TNNI3K: variants seen among roughly 807,000 people sequenced by gnomAD.
TNNI3K encodes the protein TNNI3 interacting kinase, also known as serine/threonine-protein kinase TNNI3K.
A neutral mutation model predicts 114.5 loss-of-function variants in TNNI3K; 140 were observed. The observed-to-expected ratio is 1.22, with a 90% CI of 1.07 to 1.41. TNNI3K has a LOEUF of 1.41. TNNI3K is among the 40% of genes most tolerant of loss of function. The pLI, the probability that TNNI3K is intolerant of heterozygous loss-of-function variation, is 0.00. For missense variants in TNNI3K, 1,125 were observed against 1,007.6 expected (o/e 1.12, Z -1.58); for synonymous variants, 347 against 347.5 (o/e 1.00, Z 0.02).
chr1:74,419,763 A>G (rs1665305435), intron 17 of TNNI3K, among the ~76,000 whole-genome samples: 1 of 152,158 alleles, frequency 6.6e-6, no homozygotes, highest in African/African-American at 2.4e-5. Context: ...GATAACCTAC[A>G]CAGGATATTA....
chr1:74,527,314 A>G lies in TNNI3K; in HGVS notation c.2352-12920A>G, dbSNP rs183461799. Among the ~76,000 whole-genome samples the G allele has an allele frequency of 3.2e-4, 49 of 152,352 alleles. No individual in the cohort carries two copies. In the East Asian group the frequency reaches 9.1e-3, roughly 28 times the overall value. Reference sequence around the variant, plus strand: ...TCAGAGTAAACAGACAAAGATAAACATGAATAAAATTGCAGAGGAGGAAAC... The same window carrying G: ...TCAGAGTAAACAGACAAAGATAAACGTGAATAAAATTGCAGAGGAGGAAAC... On this transcript the variant is annotated intron_variant, in intron 23 of 24. Coordinates refer to ENST00000326637, the MANE Select transcript of TNNI3K (RefSeq NM_015978.3).
intron 9 of TNNI3K, among the ~76,000 whole-genome samples, chr1:74,347,506 G>A (rs1226642525): frequency 6.6e-6 from 1 of 152,080 alleles, no homozygotes; most frequent in Non-Finnish European, 1.5e-5. Flanking sequence ...AATCCTCTGG[G>A]TATATACCCA....
chr1:74,362,069 A>G (rs1240363758), intron 11 of TNNI3K, among the ~76,000 whole-genome samples: 1 of 152,104 alleles, frequency 6.6e-6, no homozygotes, highest in Non-Finnish European at 1.5e-5. Context: ...GAGAAGATGT[A>G]GCAAGCCAGA....
At chr1:74,354,331 C>T (rs1369448692) in intron 11 of TNNI3K, among the ~76,000 whole-genome samples, 2 of 152,078 alleles carry the variant, frequency 1.3e-5, no homozygotes, top group Non-Finnish European at 2.9e-5. Context: ...GCAGATGAAC[C>T]AAAGGCATTC....
intron 20 of TNNI3K, among the ~76,000 whole-genome samples, chr1:74,460,816 C>A (rs1389329420): frequency 1.3e-5 from 2 of 152,234 alleles, no homozygotes; most frequent in African/African-American, 4.8e-5. Flanking sequence ...GATGCCAAGA[C>A]TTTGCAGAAT....
intron 5 of TNNI3K, among the ~76,000 whole-genome samples, chr1:74,303,847 G>T (rs1376708266): frequency 6.6e-6 from 1 of 152,176 alleles, no homozygotes; most frequent in Non-Finnish European, 1.5e-5. Flanking sequence ...ACAGTAACAG[G>T]AGTTTGGCAG....
intron 20 of TNNI3K, among the ~76,000 whole-genome samples, chr1:74,441,750 T>A (rs902488062): frequency 6.6e-6 from 1 of 152,124 alleles, no homozygotes; most frequent in African/African-American, 2.4e-5. Context: ...CTAGAAATAT[T>A]GACACTTTAT....
intron 17 of TNNI3K, among the ~76,000 whole-genome samples, chr1:74,417,554 T>C (rs1467898891): frequency 1.3e-5 from 2 of 152,194 alleles, no homozygotes; most frequent in South Asian, 2.1e-4. Flanking sequence ...CAACCATTTG[T>C]TTCTCACAGC....
At chr1:74,514,814 A>C (rs1016405780) in intron 23 of TNNI3K, among the ~76,000 whole-genome samples, 2 of 152,170 alleles carry the variant, frequency 1.3e-5, no homozygotes, top group Non-Finnish European at 2.9e-5. Flanking sequence ...AGATATGTTG[A>C]AGTCTCAGAC....
intron 23 of TNNI3K, among the ~76,000 whole-genome samples, chr1:74,507,223 A>AAC (rs1669949819): frequency 1.7e-5 from 2 of 120,328 alleles, no homozygotes; most frequent in Admixed American, 9.2e-5. Context: ...AAATTTCTTC[A>AAC]CCCCCCCCCC....
chr1:74,471,564 G>C, intron 21 of TNNI3K: 2 of 400,544 alleles, frequency 5.0e-6, no homozygotes, highest in Non-Finnish European at 4.4e-6. Flanking sequence ...TTTCTCCTTT[G>C]TTTCTCTCCC....
chr1:74,242,366 T>C (rs1654291157), intron 2 of TNNI3K, among the ~76,000 whole-genome samples: 1 of 152,200 alleles, frequency 6.6e-6, no homozygotes, highest in South Asian at 2.1e-4. Flanking sequence ...GATACACCTT[T>C]TTGTACCTTT....
At chr1:74,380,133 C>T (rs1007422379) in intron 17 of TNNI3K, among the ~76,000 whole-genome samples, 1 of 152,102 alleles carries the variant, frequency 6.6e-6, no homozygotes, top group African/African-American at 2.4e-5. Flanking sequence ...GAATCTTTGC[C>T]TCATTCAGCC....
chr1:74,411,320 T>TA (rs1281369475), intron 17 of TNNI3K, among the ~76,000 whole-genome samples: 1 of 152,198 alleles, frequency 6.6e-6, no homozygotes, highest in Non-Finnish European at 1.5e-5. Context: ...TAAGTGCGGA[T>TA]ACACTGAGAT....
At chr1:74,492,521 A>G (rs1669133844) in intron 23 of TNNI3K, among the ~76,000 whole-genome samples, 2 of 152,222 alleles carry the variant, frequency 1.3e-5, no homozygotes, top group Admixed American at 1.3e-4. Context: ...GAGCAACAAA[A>G]GGGATTTATT....
chr1:74,524,425 C>G (rs1409430655), intron 23 of TNNI3K, among the ~76,000 whole-genome samples: 1 of 152,126 alleles, frequency 6.6e-6, no homozygotes, highest in South Asian at 2.1e-4. Flanking sequence ...CTGGCTGTGG[C>G]CACAGCTAGA....
At chr1:74,400,865 G>A (rs1664323116) in intron 17 of TNNI3K, among the ~76,000 whole-genome samples, 1 of 152,124 alleles carries the variant, frequency 6.6e-6, no homozygotes, top group African/African-American at 2.4e-5. Flanking sequence ...ATTGGACTGG[G>A]ATTTGTGCCT....
At chr1:74,425,012 T>C (rs1271656353) in intron 17 of TNNI3K, among the ~76,000 whole-genome samples, 2 of 152,074 alleles carry the variant, frequency 1.3e-5, no homozygotes, top group Non-Finnish European at 2.9e-5. Flanking sequence ...TTAGTCTCAA[T>C]TGGTGCAGGC....
chr1:74,453,444 T>C (rs906518527), intron 20 of TNNI3K, among the ~76,000 whole-genome samples: 3 of 152,184 alleles, frequency 2.0e-5, no homozygotes, highest in African/African-American at 7.2e-5. Flanking sequence ...AGCTACATAT[T>C]AGCCATTTAC....
Sources: gnomAD v4.1 joint callset for allele counts (sites outside exome capture counted in the v4.1 genomes callset) on GRCh38, gnomAD v4.1.1 for gene constraint, MANE v1.5 for transcripts, NCBI Gene and HGNC (gene_info 2026-07-23, HGNC 2026-07-21) for gene names.